FSTL4: variants seen among roughly 807,000 people sequenced by gnomAD.
The protein encoded by FSTL4 is follistatin like 4, also known as follistatin-related protein 4.
Under a neutral mutation model 78.2 loss-of-function variants are expected in FSTL4, and 28 were observed. The ratio of observed to expected loss-of-function variants is 0.36; its 90% CI spans 0.27 to 0.49. FSTL4 has a LOEUF of 0.49. Among genes scored for constraint, FSTL4 ranks in the 20% least tolerant of loss-of-function variants. The probability of loss-of-function intolerance (pLI) is 0.98; values close to 1 mark genes in which losing one functional copy is unlikely to be tolerated. For missense variants in FSTL4, 922 were observed against 1,084.9 expected (o/e 0.85, Z 2.11); for synonymous variants, 422 against 440.5 (o/e 0.96, Z 0.53).
chr5:133,775,375 C>A, the FSTL4 span, among the ~76,000 whole-genome samples: 1 of 152,178 alleles, frequency 6.6e-6, no homozygotes, highest in African/African-American at 2.4e-5. Flanking sequence ...AGACCAAACA[C>A]CAGATCATGG....
intron 3 of FSTL4, among the ~76,000 whole-genome samples, chr5:133,551,055 T>C (rs1759682372): frequency 6.6e-6 from 1 of 152,200 alleles, no homozygotes; most frequent in Non-Finnish European, 1.5e-5. Context: ...TAATCCAACT[T>C]TCTTACTATT....
Position 133,225,912 on chromosome 5 carries a change from G to A in FSTL4, c.1016-93C>T. The A allele has an allele frequency of 4.2e-6, 4 of 945,100 alleles. No individual in the cohort carries two copies. The highest frequency in any genetic ancestry group is 4.5e-6 in the Non-Finnish European group (3 of 662,042). The allele number at this position is 945,100 out of a possible 1,614,324, so 58.5% of individuals were successfully genotyped here. A position where few individuals can be genotyped will look rare whatever the true frequency, so the allele number is the denominator to read the frequency against. On this transcript the variant is annotated intron_variant, in intron 8 of 15. Transcript: ENST00000265342. The surrounding 1 kb of genome is among the most constrained non-coding windows in gnomAD (Gnocchi z 4.6). ...CCTGAGACCCTGCTCCAGAGGGGGT[G>A]AACCCAAGTAGGTGACTGGAGTTCT...
chr5:133,511,292 T>A (rs989180667), intron 3 of FSTL4, among the ~76,000 whole-genome samples: 2 of 152,196 alleles, frequency 1.3e-5, no homozygotes, highest in Non-Finnish European at 2.9e-5. Context: ...TTGCATGTGC[T>A]CTTCTTCTTT....
At chr5:133,825,088 A>G in the FSTL4 span, among the ~76,000 whole-genome samples, 1 of 152,164 alleles carries the variant, frequency 6.6e-6, no homozygotes, top group East Asian at 1.9e-4. Context: ...TCCTCACTTC[A>G]CAGAGACACT....
intron 6 of FSTL4, among the ~76,000 whole-genome samples, chr5:133,285,305 T>C (rs1428147): frequency 0.77 from 117,734 of 152,152 alleles, 45,673 homozygotes; most frequent in Middle Eastern, 0.8. Flanking sequence ...ACTGCTAAAA[T>C]CTTGTAATAG....
intron 3 of FSTL4, among the ~76,000 whole-genome samples, chr5:133,532,806 T>C (rs1759283559): frequency 6.6e-6 from 1 of 152,192 alleles, no homozygotes; most frequent in African/African-American, 2.4e-5. Context: ...ACAGATGGGC[T>C]GGCCAGCCAG....
At chr5:133,700,460 AG>A in the FSTL4 span, among the ~76,000 whole-genome samples, 24 of 152,188 alleles carry the variant, frequency 1.6e-4, no homozygotes, top group Non-Finnish European at 8.8e-5. Flanking sequence ...CATCACACCA[AG>A]CCACCACACC....
chr5:133,534,258 T>C (rs546209645), intron 3 of FSTL4, among the ~76,000 whole-genome samples: 1 of 152,260 alleles, frequency 6.6e-6, no homozygotes, highest in East Asian at 1.9e-4. Flanking sequence ...AGATGCACAT[T>C]ATTTTTCTGT....
chr5:133,625,223 A>C, the FSTL4 span, among the ~76,000 whole-genome samples: 1 of 151,734 alleles, frequency 6.6e-6, no homozygotes, highest in Non-Finnish European at 1.5e-5. Flanking sequence ...CATTTTGTAG[A>C]ATCCTCCAGT....
intron 6 of FSTL4, among the ~76,000 whole-genome samples, chr5:133,309,442 C>T (rs1753728266): frequency 6.6e-6 from 1 of 152,258 alleles, no homozygotes; most frequent in Non-Finnish European, 1.5e-5. Context: ...CTCCATCTGA[C>T]AATCAGAAAG....
chr5:133,764,090 AT>A, the FSTL4 span, among the ~76,000 whole-genome samples: 1 of 152,220 alleles, frequency 6.6e-6, no homozygotes, highest in Non-Finnish European at 1.5e-5. Context: ...AGAAAAGCCA[AT>A]TTGTCTTTCC....
chr5:133,320,869 T>C (rs529082452), intron 4 of FSTL4, among the ~76,000 whole-genome samples: 2 of 152,042 alleles, frequency 1.3e-5, no homozygotes, highest in Admixed American at 6.5e-5. Flanking sequence ...TAGCCAGGCA[T>C]GGTGGCGGGC....
chr5:133,317,554 C>A (rs1034749294), intron 4 of FSTL4, among the ~76,000 whole-genome samples: 1 of 152,216 alleles, frequency 6.6e-6, no homozygotes, highest in Non-Finnish European at 1.5e-5. Context: ...GTTGCTGGAG[C>A]CTGGGGCTCT....
At chr5:133,638,362 C>T in the FSTL4 span, among the ~76,000 whole-genome samples, 1 of 152,148 alleles carries the variant, frequency 6.6e-6, no homozygotes, top group African/African-American at 2.4e-5. Context: ...GTCTTGACTC[C>T]CTCCTTCAGG....
chr5:133,540,720 C>CAAAAAAAA (rs79162509), intron 3 of FSTL4, among the ~76,000 whole-genome samples: 42 of 70,222 alleles, frequency 6.0e-4, no homozygotes, highest in Non-Finnish European at 8.3e-4. Flanking sequence ...TTAACATAGG[C>CAAAAAAAA]AAAAAAAAAA....
the FSTL4 span, among the ~76,000 whole-genome samples, chr5:133,840,391 A>C: frequency 6.6e-6 from 1 of 152,364 alleles, no homozygotes; most frequent in Admixed American, 6.5e-5. Flanking sequence ...AGAAGGTAGT[A>C]GGTTTAGTGA....
chr5:133,419,059 T>C (rs1425992207), intron 3 of FSTL4, among the ~76,000 whole-genome samples: 1 of 152,278 alleles, frequency 6.6e-6, no homozygotes, highest in Non-Finnish European at 1.5e-5. Flanking sequence ...GTTCATGTTA[T>C]AGAATACATC....
the FSTL4 span, among the ~76,000 whole-genome samples, chr5:133,719,212 T>C: frequency 6.6e-6 from 1 of 152,216 alleles, no homozygotes; most frequent in African/African-American, 2.4e-5. Context: ...ATTACATGCT[T>C]AGTACACACA....
At chr5:133,460,138 T>C (rs1757564156) in intron 3 of FSTL4, among the ~76,000 whole-genome samples, 1 of 152,244 alleles carries the variant, frequency 6.6e-6, no homozygotes, top group Non-Finnish European at 1.5e-5. Context: ...AACGGGGCCC[T>C]TCAGGCCCTA....
Sources: gnomAD v4.1 joint callset for allele counts (sites outside exome capture counted in the v4.1 genomes callset) on GRCh38, gnomAD v4.1.1 for gene constraint, Gnocchi (gnomAD v3.1) non-coding constraint, MANE v1.5 for transcripts, NCBI Gene and HGNC (gene_info 2026-07-23, HGNC 2026-07-21) for gene names.